The following CNTN6 variants were observed in gnomAD, a reference collection of about 807,000 sequenced individuals.
CNTN6 encodes the protein contactin-6.
In CNTN6, 137 loss-of-function variants were observed where a neutral mutation model predicts 122.8. That is an observed-to-expected ratio of 1.12 (90% CI 0.97 to 1.29). CNTN6 has a LOEUF of 1.29. Among genes scored for constraint, CNTN6 ranks in the 50% most tolerant of loss-of-function variants. CNTN6 has a pLI of 0.00. For synonymous variants in CNTN6, 570 were observed against 426.0 expected, an observed-to-expected ratio of 1.34 and a Z score of -4.16; for missense variants, 1,634 against 1,223.4, an observed-to-expected ratio of 1.34 and a Z score of -5.01.
intron 11 of CNTN6, among the ~76,000 whole-genome samples, chr3:1,335,230 A>C (rs1683961752): frequency 6.6e-6 from 1 of 152,198 alleles, no homozygotes; most frequent in Non-Finnish European, 1.5e-5. Flanking sequence ...CCGGAATGAC[A>C]GGTGAGCTGT....
At chr3:1,293,267 T>A (rs80189761) in intron 5 of CNTN6, among the ~76,000 whole-genome samples, 1 of 152,016 alleles carries the variant, frequency 6.6e-6, no homozygotes, top group Non-Finnish European at 1.5e-5. Context: ...CTTTTTTCCT[T>A]TATTTCTTCC....
intron 7 of CNTN6, among the ~76,000 whole-genome samples, chr3:1,307,351 T>C (rs1378602421): frequency 6.6e-6 from 1 of 152,184 alleles, no homozygotes; most frequent in Non-Finnish European, 1.5e-5. Flanking sequence ...TTCTGAGAAA[T>C]GGAAAATTAT....
chr3:1,319,222 CA>C (rs1700514241), intron 7 of CNTN6, among the ~76,000 whole-genome samples: 1 of 151,486 alleles, frequency 6.6e-6, no homozygotes, highest in South Asian at 2.1e-4. Flanking sequence ...CTTTTAATGG[CA>C]AAAGCCGCGA....
chr3:1,307,605 C>T (rs1698568110), intron 7 of CNTN6, among the ~76,000 whole-genome samples: 1 of 152,004 alleles, frequency 6.6e-6, no homozygotes, highest in Admixed American at 6.6e-5. Context: ...GGTATTTATG[C>T]CCTTCTATTC....
chr3:1,357,103 A>G (rs747390824), intron 12 of CNTN6, among the ~76,000 whole-genome samples: 10 of 151,918 alleles, frequency 6.6e-5, no homozygotes, highest in Non-Finnish European at 1.0e-4. Context: ...TATATTTTAC[A>G]AAATATAATG....
chr3:1,287,126 A>G (rs1388236377), intron 5 of CNTN6, among the ~76,000 whole-genome samples: 1 of 152,142 alleles, frequency 6.6e-6, no homozygotes, highest in African/African-American at 2.4e-5. Context: ...ATAGTGGGAG[A>G]CTTTAACACC....
chr3:1,322,706 A>G (rs1229887792), intron 8 of CNTN6, among the ~76,000 whole-genome samples: 1 of 151,402 alleles, frequency 6.6e-6, no homozygotes, highest in Non-Finnish European at 1.5e-5. Flanking sequence ...TCCCATAGGA[A>G]TGTTGATTGA....
intron 2 of CNTN6, among the ~76,000 whole-genome samples, chr3:1,208,586 T>C (rs894517927): frequency 5.3e-5 from 8 of 152,142 alleles, no homozygotes; most frequent in African/African-American, 1.9e-4. Context: ...ATTGTTTTCT[T>C]ATTGGCTTCC....
At chr3:1,348,983 T>G (rs1358678553) in intron 11 of CNTN6, among the ~76,000 whole-genome samples, 3 of 151,982 alleles carry the variant, frequency 2.0e-5, no homozygotes, top group African/African-American at 4.8e-5. Context: ...CTTTAACATC[T>G]AACACTTTTT....
At chr3:1,127,872 A>G (rs1036008117) in intron 1 of CNTN6, among the ~76,000 whole-genome samples, 4 of 151,902 alleles carry the variant, frequency 2.6e-5, no homozygotes, top group Non-Finnish European at 5.9e-5. Context: ...GTGTGTGTAT[A>G]TATACATGAA....
At chr3:1,137,449 C>A (rs1451652729) in intron 1 of CNTN6, among the ~76,000 whole-genome samples, 6 of 152,148 alleles carry the variant, frequency 3.9e-5, no homozygotes, top group Admixed American at 2.6e-4. Flanking sequence ...CAGTTGATGA[C>A]CCCTGGATCA....
chr3:1,278,185 T>C (rs1434197530), intron 4 of CNTN6, among the ~76,000 whole-genome samples: 2 of 152,166 alleles, frequency 1.3e-5, no homozygotes, highest in East Asian at 3.9e-4. Context: ...AAACAGATAG[T>C]GAGTATTGTC....
chr3:1,142,968 G>A (rs866458767), intron 1 of CNTN6, among the ~76,000 whole-genome samples: 7,135 of 127,518 alleles, frequency 0.056, 256 homozygotes, highest in Non-Finnish European at 0.077. Flanking sequence ...GTGTGTGTGT[G>A]TATATATATA....
At chr3:1,254,042 A>AC (rs2094713821) in intron 4 of CNTN6, among the ~76,000 whole-genome samples, 1 of 152,228 alleles carries the variant, frequency 6.6e-6, no homozygotes, top group Non-Finnish European at 1.5e-5. Context: ...TTTTTAAGTT[A>AC]TAAAAAATTT....
rs1696007745 is a variant in CNTN6, at chr3:1,403,594, A to G, written c.*176A>G. Reference sequence around the variant, plus strand: ...GTATATTAATAAAACAATTTTAAACACTTTTGAATTTTAAAATCCGCACAT... The same window carrying G: ...GTATATTAATAAAACAATTTTAAACGCTTTTGAATTTTAAAATCCGCACAT... On this transcript the variant is annotated 3_prime_UTR_variant, in exon 23 of 23. Transcript: ENST00000446702. 1 of 409,490 alleles carries G rather than the reference A, an allele frequency of 2.4e-6. No homozygotes were observed. The highest frequency in any genetic ancestry group is 6.6e-5 in the South Asian group (1 of 15,230). 25.4% of individuals were successfully genotyped at this position (409,490 alleles called of 1,614,324 possible).
intron 4 of CNTN6, among the ~76,000 whole-genome samples, chr3:1,258,506 T>G (rs1163341470): frequency 1.3e-5 from 2 of 152,136 alleles, no homozygotes; most frequent in Non-Finnish European, 2.9e-5. Flanking sequence ...TCACAAAGCT[T>G]GAGTGTGCAG....
At chr3:1,228,760 G>A (rs2094318131) in intron 4 of CNTN6, among the ~76,000 whole-genome samples, 1 of 152,050 alleles carries the variant, frequency 6.6e-6, no homozygotes, top group Admixed American at 6.6e-5. Context: ...ATACCTGCAG[G>A]GCTCATAGAA....
intron 4 of CNTN6, among the ~76,000 whole-genome samples, chr3:1,246,328 T>C (rs1393464421): frequency 6.6e-6 from 1 of 152,196 alleles, no homozygotes; most frequent in Non-Finnish European, 1.5e-5. Flanking sequence ...GTCTGGCTTA[T>C]TAGCCAACTA....
intron 1 of CNTN6, among the ~76,000 whole-genome samples, chr3:1,145,579 T>C (rs2092707573): frequency 6.6e-6 from 1 of 151,790 alleles, no homozygotes; most frequent in Non-Finnish European, 1.5e-5. Flanking sequence ...AAAGAGTCTA[T>C]TGATAATTCT....
Sources: allele counts gnomAD v4.1 joint callset (sites outside exome capture counted in the v4.1 genomes callset), GRCh38; gene constraint gnomAD v4.1.1; transcripts MANE v1.5; gene names NCBI Gene and HGNC (gene_info 2026-07-23, HGNC 2026-07-21).